Variants in PLEKHA7 observed in about 807,000 individuals in gnomAD.
The protein encoded by PLEKHA7 is pleckstrin homology domain-containing family A member 7.
In PLEKHA7, 104 loss-of-function variants were observed where a neutral mutation model predicts 170.0. The observed-to-expected ratio is 0.61, with a 90% CI of 0.52 to 0.72. The LOEUF is 0.72. PLEKHA7 is among the 30% of genes least tolerant of loss of function. PLEKHA7 has a pLI of 0.00. For missense variants in PLEKHA7, 1,615 were observed against 1,671.7 expected, an observed-to-expected ratio of 0.97 and a Z score of 0.59; for synonymous variants, 648 against 660.8, an observed-to-expected ratio of 0.98 and a Z score of 0.30.
Position 16,789,744 on chromosome 11 carries a change from G to A in PLEKHA7, c.3156+31C>T. 1 of 1,569,316 alleles carries A rather than the reference G, an allele frequency of 6.4e-7. No homozygotes were observed. Among genetic ancestry groups the A allele is most frequent in the Non-Finnish European group, 8.8e-7 (1 of 1,140,734 alleles). ...CCCTCCCTCCCCATGTGAAGGAGCA[G>A]GGAGGTCCTCGACAGCTCAAGGCCA... On this transcript the variant is annotated intron_variant, in intron 22 of 26. Coordinates refer to ENST00000531066, the MANE Select transcript of PLEKHA7 (RefSeq NM_001329630.2). This position sits in a 1 kb window ranked among gnomAD's most constrained non-coding sequence, Gnocchi z 4.6.
chr11:16,843,653 A>C (rs542073162), intron 8 of PLEKHA7, among the ~76,000 whole-genome samples: 2 of 152,326 alleles, frequency 1.3e-5, no homozygotes, highest in East Asian at 3.9e-4. Flanking sequence ...ATAAGAACAG[A>C]ATAAGGCCAG....
rs1564916210 is a variant in PLEKHA7, at chr11:16,794,493, T to G, written c.2740A>C (p.Lys914Gln). ...PLQSPTKAKP[K>Q]VEDEAPPRPP... ...TCCTAGTTATCACTACTTACAACTT[T>G]GGGCTTCGCCTTAGTTGGTGACTGA... Residue 914 changes from lysine (K) to glutamine (Q), a missense_variant, in exon 19 of 27, where the codon AAA (lysine) becomes CAA (glutamine). Coordinates refer to ENST00000531066, the MANE Select transcript of PLEKHA7 (RefSeq NM_001329630.2). 3 of 1,613,140 alleles carry G rather than the reference T, an allele frequency of 1.9e-6. No homozygotes were observed. Among genetic ancestry groups the G allele is most frequent in the South Asian group, 2.2e-5 (2 of 91,068 alleles).
At chr11:16,847,027 A>C (rs920710672) in intron 8 of PLEKHA7, among the ~76,000 whole-genome samples, 3 of 151,410 alleles carry the variant, frequency 2.0e-5, no homozygotes, top group African/African-American at 7.3e-5. Context: ...TGAGCAGAGA[A>C]CTGAAGGACA....
At chr11:16,926,553 G>C (rs574555265) in intron 3 of PLEKHA7, among the ~76,000 whole-genome samples, 3 of 152,292 alleles carry the variant, frequency 2.0e-5, no homozygotes, top group East Asian at 3.9e-4. Flanking sequence ...CCATTGTTGC[G>C]AGGGGATTAC....
intron 3 of PLEKHA7, among the ~76,000 whole-genome samples, chr11:16,961,200 T>C (rs1477849100): frequency 1.3e-5 from 2 of 152,228 alleles, no homozygotes; most frequent in African/African-American, 2.4e-5. Flanking sequence ...CAAACCACCC[T>C]GTCCCCATCC....
intron 3 of PLEKHA7, among the ~76,000 whole-genome samples, chr11:16,922,431 G>C (rs1268341956): frequency 6.6e-6 from 1 of 152,164 alleles, no homozygotes; most frequent in East Asian, 1.9e-4. Flanking sequence ...AAGTAGCAGA[G>C]ACTGAATTTG....
chr11:16,844,301 A>G (rs1344878702), intron 8 of PLEKHA7, among the ~76,000 whole-genome samples: 2 of 152,218 alleles, frequency 1.3e-5, no homozygotes, highest in Non-Finnish European at 2.9e-5. Flanking sequence ...CGAAGGAGTT[A>G]CACATGATTG....
At chr11:16,859,777 C>T (rs1006038944) in intron 4 of PLEKHA7, among the ~76,000 whole-genome samples, 3 of 152,234 alleles carry the variant, frequency 2.0e-5, no homozygotes, top group African/African-American at 4.8e-5. Flanking sequence ...CCTGTGCCCC[C>T]GAGCTGAGCA....
intron 3 of PLEKHA7, among the ~76,000 whole-genome samples, chr11:16,933,409 T>C (rs1156480161): frequency 6.6e-6 from 1 of 152,158 alleles, no homozygotes; most frequent in Non-Finnish European, 1.5e-5. Flanking sequence ...GAGAGGACAG[T>C]GGCTGGCCAA....
chr11:16,793,494 A>C (rs954678557), intron 19 of PLEKHA7, among the ~76,000 whole-genome samples: 1 of 152,184 alleles, frequency 6.6e-6, no homozygotes, highest in Non-Finnish European at 1.5e-5. Flanking sequence ...AGCAGAACTC[A>C]TGTGTTTTAC....
intron 3 of PLEKHA7, among the ~76,000 whole-genome samples, chr11:16,974,272 A>C (rs991491476): frequency 4.1e-5 from 6 of 147,178 alleles, no homozygotes; most frequent in African/African-American, 1.5e-4. Flanking sequence ...GTCTCCAAAA[A>C]AAAAAAAAAT....
intron 3 of PLEKHA7, among the ~76,000 whole-genome samples, chr11:16,945,513 C>T (rs1860971842): frequency 6.6e-6 from 1 of 152,122 alleles, no homozygotes; most frequent in Non-Finnish European, 1.5e-5. Context: ...TCCTGTAGTG[C>T]TTGGTAAGGG....
chr11:16,920,080 C>G (rs147888806), intron 3 of PLEKHA7, among the ~76,000 whole-genome samples: 1 of 152,340 alleles, frequency 6.6e-6, no homozygotes, highest in East Asian at 1.9e-4. Context: ...TGGGCAATGC[C>G]TCCTTCACAA....
At chr11:17,007,288 T>C (rs1865059473) in intron 3 of PLEKHA7, among the ~76,000 whole-genome samples, 1 of 152,298 alleles carries the variant, frequency 6.6e-6, no homozygotes, top group African/African-American at 2.4e-5. Context: ...AATTTAAACT[T>C]AATTTTTCTT....
chr11:16,978,145 T>G (rs1299737812), intron 3 of PLEKHA7, among the ~76,000 whole-genome samples: 3 of 152,246 alleles, frequency 2.0e-5, no homozygotes, highest in Admixed American at 2.0e-4. Flanking sequence ...AAGAGGTCTT[T>G]GTTAACACAA....
chr11:16,792,552 AG>A (rs201591014), intron 19 of PLEKHA7, among the ~76,000 whole-genome samples: 3,313 of 150,864 alleles, frequency 0.022, 48 homozygotes, highest in Middle Eastern at 0.055. Flanking sequence ...AAAAAAGGCA[AG>A]GGGATTATTA....
At chr11:17,009,944 G>C (rs1865225705) in intron 3 of PLEKHA7, among the ~76,000 whole-genome samples, 1 of 152,108 alleles carries the variant, frequency 6.6e-6, no homozygotes, top group African/African-American at 2.4e-5. Context: ...TCTTTTTAAA[G>C]GGGTTATCAA....
rs112818679 is a variant in PLEKHA7, at chr11:16,925,982, A to G, written c.222-54800T>C. ...AACTGCGCTGTTCTGGCGTCTAGCC[A>G]GACACCAGCAGACCTGTCATCCGTT... On this transcript the variant is annotated intron_variant, in intron 3 of 26. Coordinates refer to ENST00000531066, the MANE Select transcript of PLEKHA7 (RefSeq NM_001329630.2). 6.9e-3 allele frequency among the ~76,000 whole-genome samples: 1,047 copies of G among 152,364 alleles called. 7 individuals are homozygous for G. The highest frequency in any genetic ancestry group is 0.012 in the Non-Finnish European group (805 of 68,036).
chr11:16,791,860 CCA>C lies in PLEKHA7; in HGVS notation c.2746-663_2746-662del, dbSNP rs1435384480. Reference sequence around the variant, plus strand: ...CAACATTTTCCTTGAAACTCCCTGTCCACAGTGTTCTGTGAGGGCTGTGGTTC... The same window carrying C: ...CAACATTTTCCTTGAAACTCCCTGTCCAGTGTTCTGTGAGGGCTGTGGTTC... On this transcript the variant is annotated intron_variant, in intron 19 of 26. Transcript: ENST00000531066. The surrounding 1 kb of genome is among the most constrained non-coding windows in gnomAD (Gnocchi z 4.5). 1 of 369,248 alleles carries C rather than the reference CCA, an allele frequency of 2.7e-6. No homozygotes were observed. Among genetic ancestry groups the C allele is most frequent in the African/African-American group, 2.1e-5 (1 of 47,322 alleles). The allele number at this position is 369,248 out of a possible 1,614,324, so 22.9% of individuals were successfully genotyped here.
Sources: allele counts gnomAD v4.1 joint callset (sites outside exome capture counted in the v4.1 genomes callset), GRCh38; gene constraint gnomAD v4.1.1; non-coding constraint Gnocchi (gnomAD v3.1); transcripts MANE v1.5; gene names NCBI Gene and HGNC (gene_info 2026-07-23, HGNC 2026-07-21).